TTC28: variants seen among roughly 807,000 people sequenced by gnomAD.
TTC28 encodes tetratricopeptide repeat domain 28.
In TTC28, 61 loss-of-function variants were observed where a neutral mutation model predicts 198.0. The observed-to-expected ratio is 0.31, with a 90% CI of 0.25 to 0.38. The LOEUF (loss-of-function observed/expected upper bound fraction) is 0.38, where lower values mean the gene tolerates loss of function less well. Ranked by LOEUF, TTC28 falls within the 10% of genes least tolerant of loss-of-function variation. The probability of loss-of-function intolerance (pLI) is 1.00; values close to 1 mark genes in which losing one functional copy is unlikely to be tolerated. For missense variants in TTC28, 2,678 were observed against 3,164.0 expected, an observed-to-expected ratio of 0.85 and a Z score of 3.69; for synonymous variants, 1,171 against 1,297.8, an observed-to-expected ratio of 0.90 and a Z score of 2.10.
intron 12 of TTC28, among the ~76,000 whole-genome samples, chr22:28,038,187 C>T (rs562580631): frequency 2.0e-5 from 3 of 152,138 alleles, no homozygotes; most frequent in Non-Finnish European, 4.4e-5. Flanking sequence ...TCATAAGCAA[C>T]CAAAAAAGAG....
intron 2 of TTC28, among the ~76,000 whole-genome samples, chr22:28,362,607 A>G (rs1569283274): frequency 6.6e-6 from 1 of 152,176 alleles, no homozygotes; most frequent in Non-Finnish European, 1.5e-5. Context: ...AAATGTGGAA[A>G]AGTTTGGAAC....
intron 1 of TTC28, among the ~76,000 whole-genome samples, chr22:28,676,582 C>T (rs1468381585): frequency 3.3e-5 from 5 of 152,086 alleles, no homozygotes; most frequent in Non-Finnish European, 7.4e-5. Flanking sequence ...GTATAAGCTA[C>T]AAAAATAACA....
intron 2 of TTC28, among the ~76,000 whole-genome samples, chr22:28,395,586 G>C (rs1195433892): frequency 6.8e-6 from 1 of 146,268 alleles, no homozygotes; most frequent in East Asian, 2.0e-4. Flanking sequence ...GAGCACTCCA[G>C]CCTGGGCGAC....
intron 5 of TTC28, among the ~76,000 whole-genome samples, chr22:28,197,504 A>G (rs1369618788): frequency 1.3e-5 from 2 of 152,218 alleles, no homozygotes; most frequent in East Asian, 1.9e-4. Context: ...TAAAAACTAG[A>G]AGCAAATGTA....
intron 2 of TTC28, among the ~76,000 whole-genome samples, chr22:28,570,678 C>T (rs1329677126): frequency 6.6e-6 from 1 of 152,026 alleles, no homozygotes; most frequent in African/African-American, 2.4e-5. Flanking sequence ...ACATGTACCC[C>T]CAATCCTAAA....
intron 5 of TTC28, among the ~76,000 whole-genome samples, chr22:28,198,621 A>G (rs1925600733): frequency 6.6e-6 from 1 of 152,150 alleles, no homozygotes; most frequent in African/African-American, 2.4e-5. Context: ...CACTTAACAC[A>G]CAAAGAAAGT....
intron 5 of TTC28, among the ~76,000 whole-genome samples, chr22:28,165,282 A>C (rs1156671756): frequency 2.0e-5 from 3 of 152,240 alleles, no homozygotes; most frequent in Non-Finnish European, 4.4e-5. Context: ...GAACTTCTCC[A>C]ATCTAGCAAG....
At chr22:28,167,622 G>A (rs35453513) in intron 5 of TTC28, among the ~76,000 whole-genome samples, 1 of 152,106 alleles carries the variant, frequency 6.6e-6, no homozygotes. Flanking sequence ...ATTCAACAAT[G>A]CTTCATGCTA....
Position 27,985,276 on chromosome 22 carries a change from C to G in TTC28, c.5788G>C (p.Ala1930Pro). 1 of 1,551,450 alleles carries G rather than the reference C, an allele frequency of 6.4e-7. No homozygotes were observed. The change falls in exon 22 of 23, where the codon GCG (alanine) becomes CCG (proline). Residue 1930 changes from alanine to proline, a missense_variant. Physicochemically the swap from Ala to Pro is conservative, Grantham distance 27. This residue lies in a region of TTC28 where 314 missense variants were observed against 442.7 expected (regional missense o/e 0.71). Transcript: ENST00000397906. Reference sequence around the variant, plus strand: ...AACAGAGACAGCAGGGACTGGAGCGCGAAGTGCACAGTCCGTCGATTAGCT... The same window carrying G: ...AACAGAGACAGCAGGGACTGGAGCGGGAAGTGCACAGTCCGTCGATTAGCT... ...KQANRRTVHF[A>P]LQSLLSLFDS...
At chr22:28,674,684 T>G (rs2051950546) in intron 1 of TTC28, among the ~76,000 whole-genome samples, 1 of 151,878 alleles carries the variant, frequency 6.6e-6, no homozygotes. Context: ...CTGGGCATAG[T>G]GGTGCACATC....
intron 2 of TTC28, among the ~76,000 whole-genome samples, chr22:28,337,669 C>CT (rs2045753130): frequency 6.6e-6 from 1 of 151,946 alleles, no homozygotes; most frequent in Admixed American, 6.6e-5. Flanking sequence ...CAACACCTGC[C>CT]TTTTTTTGTT....
intron 12 of TTC28, among the ~76,000 whole-genome samples, chr22:28,052,534 T>C (rs5997328): frequency 0.023 from 3,458 of 152,276 alleles, 66 homozygotes; most frequent in East Asian, 0.077. Context: ...CCCTATTGTA[T>C]AGCCAGCATA....
intron 2 of TTC28, among the ~76,000 whole-genome samples, chr22:28,342,976 C>T (rs1269943391): frequency 6.6e-6 from 1 of 152,042 alleles, no homozygotes; most frequent in Non-Finnish European, 1.5e-5. Flanking sequence ...ACTAGAGAAC[C>T]AACTACTCTC....
intron 12 of TTC28, among the ~76,000 whole-genome samples, chr22:28,051,481 TTCTCTC>T (rs1220165801): frequency 6.6e-6 from 1 of 152,218 alleles, no homozygotes; most frequent in Non-Finnish European, 1.5e-5. Context: ...CTCTTTCTCT[TTCTCTC>T]AGCAAAGAAT....
At chr22:28,343,830 T>A (rs552104587) in intron 2 of TTC28, among the ~76,000 whole-genome samples, 3 of 152,326 alleles carry the variant, frequency 2.0e-5, no homozygotes, top group East Asian at 3.9e-4. Context: ...TAAAATTACA[T>A]GAATAGTAAA....
At chr22:28,357,332 T>TG (rs1369553535) in intron 2 of TTC28, among the ~76,000 whole-genome samples, 1 of 149,642 alleles carries the variant, frequency 6.7e-6, no homozygotes, top group East Asian at 1.9e-4. Flanking sequence ...TTTTTTTTTT[T>TG]TTTTGAGACA....
chr22:28,656,786 AT>A (rs2051663651), intron 1 of TTC28, among the ~76,000 whole-genome samples: 1 of 152,140 alleles, frequency 6.6e-6, no homozygotes, highest in East Asian at 1.9e-4. Context: ...GGGGGGAAGG[AT>A]AGCATTAGGA....
At chr22:28,539,893 G>A (rs1330437973) in intron 2 of TTC28, among the ~76,000 whole-genome samples, 2 of 150,430 alleles carry the variant, frequency 1.3e-5, no homozygotes, top group Admixed American at 1.3e-4. Context: ...AGCCTGTATA[G>A]GAAGCATGGC....
chr22:28,342,934 T>C (rs2045854354), intron 2 of TTC28, among the ~76,000 whole-genome samples: 1 of 152,164 alleles, frequency 6.6e-6, no homozygotes, highest in African/African-American at 2.4e-5. Context: ...GAGAGGAAAT[T>C]ACAAACCTTT....
Sources: gnomAD v4.1 joint callset for allele counts (sites outside exome capture counted in the v4.1 genomes callset) on GRCh38, gnomAD v4.1.1 for gene constraint, gnomAD v4.1.1 regional missense constraint, MANE v1.5 for transcripts, NCBI Gene and HGNC (gene_info 2026-07-23, HGNC 2026-07-21) for gene names.